PCDHGB1: variants seen among roughly 807,000 people sequenced by gnomAD.
The protein encoded by PCDHGB1 is protocadherin gamma subfamily B, 1.
PCDHGB1 carries 34 observed loss-of-function variants against 56.6 expected under a neutral mutation model. The observed-to-expected ratio is 0.60, with a 90% CI of 0.46 to 0.80. PCDHGB1 has a LOEUF of 0.80. PCDHGB1 is among the 30% of genes least tolerant of loss of function. PCDHGB1 has a pLI of 0.00. For missense variants in PCDHGB1, 1,278 were observed against 1,204.6 expected, an observed-to-expected ratio of 1.06 and a Z score of -0.90; for synonymous variants, 561 against 505.9, an observed-to-expected ratio of 1.11 and a Z score of -1.46.
intron 1 of PCDHGB1, among the ~76,000 whole-genome samples, chr5:141,444,152 ATTTTTTTTTTTTTTTTTT>A (rs747671382): frequency 4.1e-4 from 14 of 33,898 alleles, no homozygotes; most frequent in South Asian, 2.1e-3. Flanking sequence ...TGTGTACTGG[ATTTTTTTTTTTTTTTTTT>A]TTTTTTTTTT....
Position 141,350,521 on chromosome 5 carries a change from A to G in PCDHGB1, c.261A>G (p.Ile87Met). 2 of 1,614,060 alleles carry G rather than the reference A, an allele frequency of 1.2e-6. No homozygotes were observed. Among genetic ancestry groups the G allele is most frequent in the Non-Finnish European group, 1.7e-6 (2 of 1,179,904 alleles). The change falls in exon 1 of 4, where the codon ATA (isoleucine) becomes ATG (methionine). Residue 87 changes from isoleucine to methionine, a missense_variant. Coordinates refer to ENST00000523390, the MANE Select transcript of PCDHGB1 (RefSeq NM_018922.3). ...GGGATTTGTTAGTGAACGGTAGGAT[A>G]GATCGAGAGAAGATTTGCGGAAGGA... ...ESGDLLVNGR[I>M]DREKICGRKL...
rs560733170 is a variant in PCDHGB1, at chr5:141,503,895, A to G, written c.2469-1498A>G. ...TTGTGCTCACCCACCATGACAAAATATGCACACACACAACGCAACACACAC... is the reference window on the plus strand; with the variant it reads ...TTGTGCTCACCCACCATGACAAAATGTGCACACACACAACGCAACACACAC... On this transcript the variant is annotated intron_variant, in intron 2 of 3. Transcript: ENST00000523390. Among the ~76,000 whole-genome samples, 12 of 152,302 alleles carry G rather than the reference A, an allele frequency of 7.9e-5. No individual in the cohort carries two copies. The South Asian group carries it at 2.1e-3, about 26-fold the overall frequency.
intron 1 of PCDHGB1, chr5:141,414,145 C>T (rs1157390595): frequency 6.3e-7 from 1 of 1,597,566 alleles, no homozygotes; most frequent in Non-Finnish European, 8.5e-7. Context: ...AATAGAAATA[C>T]AAGCAGAAGA....
chr5:141,360,775 G>A lies in PCDHGB1; in HGVS notation c.2409+8106G>A. 1.2e-6 allele frequency: 2 copies of A among 1,613,924 alleles called. 1 individual carries two copies. The highest frequency in any genetic ancestry group is 2.2e-5 in the South Asian group (2 of 91,086). On this transcript the variant is annotated intron_variant, in intron 1 of 3. Coordinates refer to ENST00000523390, the MANE Select transcript of PCDHGB1 (RefSeq NM_018922.3). ...CAGTTTACATCAATTGGTCCTCACA[G>A]CTGTGGATGGCGGAGACCCACCTCA...
intron 1 of PCDHGB1, among the ~76,000 whole-genome samples, chr5:141,406,983 A>G (rs997882236): frequency 6.6e-6 from 1 of 152,250 alleles, no homozygotes; most frequent in Non-Finnish European, 1.5e-5. Context: ...AACATTTCAC[A>G]AGACATTTGA....
Position 141,476,301 on chromosome 5 carries a change from C to T in PCDHGB1, c.2410-18506C>T. On this transcript the variant is annotated intron_variant, in intron 1 of 3. Transcript: ENST00000523390. The surrounding 1 kb of genome is among the most constrained non-coding windows in gnomAD (Gnocchi z 7.6). ...CTTGGTTTGGATCTCGGTAGCCTCT[C>T]AGCCCGCAGGTTCCGGGTGGTGTCT... is the stretch of plus-strand genomic sequence containing the variant. The T allele has an allele frequency of 1.9e-6, 3 of 1,613,778 alleles. No homozygotes were observed. The highest frequency in any genetic ancestry group is 2.5e-6 in the Non-Finnish European group (3 of 1,179,908).
intron 1 of PCDHGB1, chr5:141,410,037 G>A: frequency 1.2e-6 from 2 of 1,613,250 alleles, no homozygotes; most frequent in Non-Finnish European, 1.7e-6. Flanking sequence ...CTGCAGGCCA[G>A]TGAGCCCGGA....
intron 1 of PCDHGB1, among the ~76,000 whole-genome samples, chr5:141,450,005 TC>T (rs2098662434): frequency 1.0e-5 from 1 of 99,604 alleles, no homozygotes; most frequent in Non-Finnish European, 1.8e-5. Flanking sequence ...TTGCCATGTC[TC>T]TTTTTTTTTT....
At chr5:141,401,833 TATA>T (rs947293983) in intron 1 of PCDHGB1, among the ~76,000 whole-genome samples, 12 of 152,238 alleles carry the variant, frequency 7.9e-5, no homozygotes, top group African/African-American at 2.9e-4. Context: ...TGAGATTTCT[TATA>T]ATACCACTTA....
chr5:141,505,960 G>A (rs2099849410), intron 3 of PCDHGB1, among the ~76,000 whole-genome samples: 1 of 152,202 alleles, frequency 6.6e-6, no homozygotes, highest in Non-Finnish European at 1.5e-5. Context: ...AGTGGGTGTA[G>A]AAATCCCCAG....
chr5:141,394,705 C>T lies in PCDHGB1; in HGVS notation c.2409+42036C>T, dbSNP rs1245348426. 6.2e-7 allele frequency: 1 copy of T among 1,613,256 alleles called. No individual in the cohort carries two copies. The highest frequency in any genetic ancestry group is 1.7e-5 in the Admixed American group (1 of 60,012). ...ACGGGCGAGGTGCGCACGGCGCGAG[C>T]CCTGCTGGACAGAGATGCGCTCAAG... On this transcript the variant is annotated intron_variant, in intron 1 of 3. Coordinates refer to ENST00000523390, the MANE Select transcript of PCDHGB1 (RefSeq NM_018922.3).
chr5:141,435,760 T>C (rs1241767830), intron 1 of PCDHGB1, among the ~76,000 whole-genome samples: 1 of 152,172 alleles, frequency 6.6e-6, no homozygotes, highest in Non-Finnish European at 1.5e-5. Context: ...TTGATTTCTT[T>C]TGGTGAATTC....
chr5:141,400,513 C>A, intron 1 of PCDHGB1: 1 of 1,613,994 alleles, frequency 6.2e-7, no homozygotes, highest in Non-Finnish European at 8.5e-7. Context: ...GTCGACTTCC[C>A]ATCCTGAGTT....
chr5:141,443,183 TTCTC>T (rs2098370937), intron 1 of PCDHGB1, among the ~76,000 whole-genome samples: 1 of 152,184 alleles, frequency 6.6e-6, no homozygotes, highest in Non-Finnish European at 1.5e-5. Context: ...CACTGCATCA[TTCTC>T]TATAGTACAA....
intron 1 of PCDHGB1, among the ~76,000 whole-genome samples, chr5:141,492,802 G>A (rs1490284966): frequency 6.6e-6 from 1 of 152,234 alleles, no homozygotes; most frequent in Non-Finnish European, 1.5e-5. Flanking sequence ...GCAGGACTGG[G>A]ACTCCAGTGG....
At position 141,362,191 on chromosome 5, in the gene PCDHGB1, G is replaced by A. The variant is rs780393919; in HGVS notation, c.2409+9522G>A. On this transcript the variant is annotated intron_variant, in intron 1 of 3. Coordinates refer to ENST00000523390, the MANE Select transcript of PCDHGB1 (RefSeq NM_018922.3). ...CCGCCGGGAGCCCTCTGACCCCCAG[G>A]CAAAACTGCAGTTTTACCTGGTTGT... The A allele has an allele frequency of 3.3e-5, 53 of 1,613,882 alleles. No individual in the cohort carries two copies. The highest frequency in any genetic ancestry group is 1.6e-4 in the Middle Eastern group (1 of 6,084).
intron 1 of PCDHGB1, among the ~76,000 whole-genome samples, chr5:141,442,913 AACT>A (rs1163578304): frequency 6.6e-6 from 1 of 152,214 alleles, no homozygotes. Flanking sequence ...TTCAGCACAC[AACT>A]GTTTCATTTT....
At position 141,491,267 on chromosome 5, in the gene PCDHGB1, A is replaced by C. The variant is rs1376540913; in HGVS notation, c.2410-3540A>C. ...GATGAGGACCCTGAGGAAATGCCCA[A>C]ATCCAGTGACTTCCTCATACACCCT... On this transcript the variant is annotated intron_variant, in intron 1 of 3. Coordinates refer to ENST00000523390, the MANE Select transcript of PCDHGB1 (RefSeq NM_018922.3). This position sits in a 1 kb window ranked among gnomAD's most constrained non-coding sequence, Gnocchi z 6.9. The C allele has an allele frequency of 2.5e-6, 4 of 1,613,944 alleles. No individual in the cohort carries two copies. The highest frequency in any genetic ancestry group is 3.4e-6 in the Non-Finnish European group (4 of 1,179,936).
intron 1 of PCDHGB1, chr5:141,422,210 T>C: frequency 6.4e-7 from 1 of 1,562,390 alleles, no homozygotes; most frequent in South Asian, 1.2e-5. Flanking sequence ...GGTGGAGGTC[T>C]CTTTACCACC....
Sources: gnomAD v4.1 joint callset for allele counts (sites outside exome capture counted in the v4.1 genomes callset) on GRCh38, gnomAD v4.1.1 for gene constraint, Gnocchi (gnomAD v3.1) non-coding constraint, MANE v1.5 for transcripts, NCBI Gene and HGNC (gene_info 2026-07-23, HGNC 2026-07-21) for gene names.